The following OFD1 variants were observed in gnomAD, a reference collection of about 807,000 sequenced individuals.
OFD1 encodes OFD1 centriole and centriolar satellite protein, also known as centriole and centriolar satellite protein OFD1.
OFD1 carries 12 observed loss-of-function variants against 81.4 expected under a neutral mutation model. The ratio of observed to expected loss-of-function variants is 0.15; its 90% CI spans 0.09 to 0.24. The LOEUF is 0.24. OFD1 is among the 10% of genes least tolerant of loss of function. The pLI, the probability that OFD1 is intolerant of heterozygous loss-of-function variation, is 1.00. For synonymous variants in OFD1, 256 were observed against 263.7 expected, an observed-to-expected ratio of 0.97 and a Z score of 0.28; for missense variants, 685 against 733.9, an observed-to-expected ratio of 0.93 and a Z score of 0.77.
chrX:13,742,680 C>G (rs886979050), intron 5 of OFD1, among the ~76,000 whole-genome samples: 1 of 110,744 alleles, frequency 9.0e-6, no homozygotes, highest in African/African-American at 3.3e-5. Flanking sequence ...CCTGCCACCA[C>G]GCCTGGCTAA....
At chrX:13,763,622 A>G (rs1325184502) in intron 18 of OFD1, 123 bp from the exon 19 acceptor site, 22 of 523,883 alleles carry the variant, frequency 4.2e-5, no homozygotes, top group Non-Finnish European at 5.7e-5. Flanking sequence ...CTGTTAGGAA[A>G]GGGCGCACCC....
the OFD1 span, chrX:13,721,279 C>T: frequency 8.9e-6 from 1 of 112,118 alleles, no homozygotes; most frequent in African/African-American, 3.2e-5. Context: ...CAGTCCTTAA[C>T]TTCCTAATGT....
At chrX:13,734,700 T>G (rs184973095), upstream of OFD1, 410 of 969,752 alleles carry the variant, frequency 4.2e-4, 1 homozygote, top group Admixed American at 4.9e-3. Flanking sequence ...GCGCCGTAGC[T>G]CTTCAGCTCG....
At chrX:13,725,239 G>C in the OFD1 span, among the ~76,000 whole-genome samples, 5 of 113,183 alleles carry the variant, frequency 4.4e-5, no homozygotes, top group African/African-American at 1.6e-4. Context: ...GCTCTGAAGA[G>C]AGCAGTGGCT....
At chrX:13,755,657 G>T (rs2047674405) in intron 12 of OFD1, among the ~76,000 whole-genome samples, 2 of 112,176 alleles carry the variant, frequency 1.8e-5, no homozygotes, top group African/African-American at 6.5e-5. Flanking sequence ...TCCATCAGCA[G>T]CAGGTAAACA....
the OFD1 span, chrX:13,715,531 A>G: frequency 8.7e-6 from 1 of 115,183 alleles, no homozygotes; most frequent in Admixed American, 9.0e-5. Context: ...TTATTATTTT[A>G]TTTTTCAAAA....
the OFD1 span, among the ~76,000 whole-genome samples, chrX:13,714,952 A>G: frequency 8.9e-6 from 1 of 112,492 alleles, no homozygotes; most frequent in African/African-American, 3.2e-5. Flanking sequence ...CTGCTAAATG[A>G]TCAGCTTCTC....
At chrX:13,756,804 A>G (rs1295413624) in intron 13 of OFD1, 37 bp downstream of exon 13, 6 of 1,030,572 alleles carry the variant, frequency 5.8e-6, no homozygotes, top group Non-Finnish European at 8.2e-6. Context: ...TGCGTGTTTT[A>G]GTAATTCGCA....
At chrX:13,720,085 T>C in the OFD1 span, 4 of 587,234 alleles carry the variant, frequency 6.8e-6, no homozygotes, top group Non-Finnish European at 9.9e-6. Context: ...AACCTGACAT[T>C]GTAGAGGAAG....
upstream of OFD1, chrX:13,734,594 T>C (rs1304742146): frequency 5.8e-6 from 4 of 693,863 alleles, no homozygotes; most frequent in Non-Finnish European, 7.2e-6. Context: ...CCCGAACCTG[T>C]AGCCAGAACG....
At position 13,760,127 on chromosome X, in the gene OFD1, A is replaced by T; in HGVS notation, c.1667A>T (p.Glu556Val). The change falls in exon 16 of 23, where the codon GAA becomes GTA. Residue 556 changes from glutamate (E) to valine (V), a missense_variant. By Grantham distance (121) the Glu-to-Val change is moderately radical. Around this residue, in one of 3 missense-constraint regions of OFD1, gnomAD observed 414 missense variants for 447.2 expected, o/e 0.93. Coordinates refer to ENST00000340096, the MANE Select transcript of OFD1 (RefSeq NM_003611.3). ...TTGTACCCTGCAGCCCTAGAGAATGAAGTGTACTGCAATCCAAAGCAGTCT... is the reference window on the plus strand; with the variant it reads ...TTGTACCCTGCAGCCCTAGAGAATGTAGTGTACTGCAATCCAAAGCAGTCT... ...LKQTQTALEN[E>V]VYCNPKQSVI... The T allele has an allele frequency of 8.3e-7, 1 of 1,211,805 alleles. No homozygotes were observed. Among genetic ancestry groups the T allele is most frequent in the Non-Finnish European group, 1.1e-6 (1 of 895,309 alleles).
chrX:13,747,869 CAGAG>C (rs756012056), intron 8 of OFD1, among the ~76,000 whole-genome samples: 1 of 111,512 alleles, frequency 9.0e-6, no homozygotes, highest in African/African-American at 3.3e-5. Flanking sequence ...GGACAGGAGA[CAGAG>C]AGGGTGAGGA....
rs941770640 is a variant in OFD1, at chrX:13,763,775, T to C, written c.2519T>C (p.Met840Thr). 8.3e-6 allele frequency: 10 copies of C among 1,211,328 alleles called. No individual in the cohort carries two copies. The highest frequency in any genetic ancestry group is 1.1e-5 in the Non-Finnish European group (10 of 895,259). Residue 840 changes from methionine to threonine, a missense_variant, in exon 19 of 23, where the codon ATG (methionine) becomes ACG (threonine). By Grantham distance (81) the Met-to-Thr change is moderately conservative. Transcript: ENST00000340096. ...GGGAACATGCCAAGGCAGTTGGAAA[T>C]GGGCGGGCTTTCTCCTGCCGGGGAT... ...SAGNMPRQLE[M>T]GGLSPAGDMS...
chrX:13,753,926 C>G (rs941644348), intron 11 of OFD1, among the ~76,000 whole-genome samples: 2 of 111,448 alleles, frequency 1.8e-5, no homozygotes, highest in South Asian at 7.3e-4. Context: ...TGTACATTGG[C>G]CTGAGACTAT....
the OFD1 span, among the ~76,000 whole-genome samples, chrX:13,727,767 G>C: frequency 8.9e-6 from 1 of 111,858 alleles, no homozygotes; most frequent in Non-Finnish European, 1.9e-5. Flanking sequence ...AACTGAAAGA[G>C]ATAAACACAC....
chrX:13,731,632 C>T (rs929580031), upstream of OFD1, among the ~76,000 whole-genome samples: 6 of 111,424 alleles, frequency 5.4e-5, no homozygotes, highest in Non-Finnish European at 9.4e-5. Context: ...CTATGGTATA[C>T]CTAGAGCTAC....
intron 20 of OFD1, 188 bp from the exon 21 acceptor site, chrX:13,767,866 T>A: frequency 7.1e-6 from 3 of 423,549 alleles, no homozygotes; most frequent in Non-Finnish European, 1.2e-5. Flanking sequence ...TGCCAATTAA[T>A]ACCTTCCTTC....
At chrX:13,748,294 A>AT (rs2047370769) in intron 8 of OFD1, among the ~76,000 whole-genome samples, 1 of 112,227 alleles carries the variant, frequency 8.9e-6, no homozygotes. Context: ...GAAGATTGTC[A>AT]TCCTCATAAG....
At chrX:13,746,281 G>T in intron 6 of OFD1, 38 bp from the exon 7 acceptor site, 1 of 1,191,485 alleles carries the variant, frequency 8.4e-7, no homozygotes, top group Non-Finnish European at 1.1e-6. Context: ...ACCTGACGAT[G>T]TTTCTATGTC....
Sources: gnomAD v4.1 joint callset for allele counts (sites outside exome capture counted in the v4.1 genomes callset) on GRCh38, gnomAD v4.1.1 for gene constraint, gnomAD v4.1.1 regional missense constraint, MANE v1.5 for transcripts, NCBI Gene and HGNC (gene_info 2026-07-23, HGNC 2026-07-21) for gene names.